Variants in HS3ST4 observed in about 807,000 individuals in gnomAD.
HS3ST4 encodes heparan sulfate glucosamine 3-O-sulfotransferase 4.
Under a neutral mutation model 29.2 loss-of-function variants are expected in HS3ST4, and 17 were observed. The observed-to-expected ratio is 0.58, with a 90% CI of 0.40 to 0.87. The LOEUF (loss-of-function observed/expected upper bound fraction) is 0.87. Among genes scored for constraint, HS3ST4 ranks in the 40% least tolerant of loss-of-function variants. HS3ST4 has a pLI of 0.00. For synonymous variants in HS3ST4, 314 were observed against 285.7 expected (o/e 1.10, Z -1.00); for missense variants, 627 against 634.5 (o/e 0.99, Z 0.13).
chr16:25,859,737 A>T lies in HS3ST4; in HGVS notation c.734+166586A>T, dbSNP rs1967618796. On this transcript the variant is annotated intron_variant, in intron 1 of 1. Transcript: ENST00000331351. ...ACACCTCACCAAAGAAAATATACAG[A>T]TGGCCAATAAGTGGATGGAACAGAT... 2.0e-5 allele frequency among the ~76,000 whole-genome samples: 3 copies of T among 152,354 alleles called. No homozygotes were observed. The South Asian group carries it at 6.2e-4, about 32-fold the overall frequency.
chr16:25,922,632 C>T (rs1968365139), intron 1 of HS3ST4, among the ~76,000 whole-genome samples: 1 of 152,220 alleles, frequency 6.6e-6, no homozygotes, highest in Non-Finnish European at 1.5e-5. Flanking sequence ...GGCACTGTTC[C>T]AGGCACGCTG....
chr16:25,710,573 T>C lies in HS3ST4; in HGVS notation c.734+17422T>C, dbSNP rs1596549960. Reference sequence around the variant, plus strand: ...TCCCCCAAGATGGAGAAACTAGGAGTAGAAATAGAAAGACTTCCTATTGCT... The same window carrying C: ...TCCCCCAAGATGGAGAAACTAGGAGCAGAAATAGAAAGACTTCCTATTGCT... On this transcript the variant is annotated intron_variant, in intron 1 of 1. Coordinates refer to ENST00000331351, the MANE Select transcript of HS3ST4 (RefSeq NM_006040.3). Among the ~76,000 whole-genome samples, 3 of 152,076 alleles carry C rather than the reference T, an allele frequency of 2.0e-5. No homozygotes were observed. The East Asian group carries it at 5.8e-4, about 29-fold the overall frequency.
intron 1 of HS3ST4, among the ~76,000 whole-genome samples, chr16:25,951,618 C>T (rs1323036288): frequency 6.6e-6 from 1 of 152,174 alleles, no homozygotes; most frequent in African/African-American, 2.4e-5. Flanking sequence ...ATGTTGCAGA[C>T]ATCAGTACTT....
At chr16:25,764,123 C>T (rs1966804270) in intron 1 of HS3ST4, among the ~76,000 whole-genome samples, 1 of 152,122 alleles carries the variant, frequency 6.6e-6, no homozygotes, top group Admixed American at 6.5e-5. Flanking sequence ...GCAGGGAGCA[C>T]AGAAGGAGGA....
At position 25,764,800 on chromosome 16, in the gene HS3ST4, C is replaced by T. The variant is rs545315579; in HGVS notation, c.734+71649C>T. 7.2e-5 allele frequency among the ~76,000 whole-genome samples: 11 copies of T among 152,366 alleles called. No individual in the cohort carries two copies. In the South Asian group the frequency reaches 2.1e-3, roughly 29 times the overall value. ...TGCACCCTGCCATATGGGCCACTTG[C>T]ATGGCCATGAACATAGATCTTGGTG... On this transcript the variant is annotated intron_variant, in intron 1 of 1. Transcript: ENST00000331351.
chr16:26,071,918 G>C (rs928211694), intron 1 of HS3ST4, among the ~76,000 whole-genome samples: 1 of 152,006 alleles, frequency 6.6e-6, no homozygotes, highest in African/African-American at 2.4e-5. Flanking sequence ...ACTCACGAGG[G>C]GTCTCAAATT....
intron 1 of HS3ST4, among the ~76,000 whole-genome samples, chr16:26,010,321 G>A (rs1969298606): frequency 6.6e-6 from 1 of 152,130 alleles, no homozygotes; most frequent in Non-Finnish European, 1.5e-5. Context: ...GGGTACAGTG[G>A]CGTGCTCCTG....
chr16:25,962,454 T>C (rs543159366), intron 1 of HS3ST4, among the ~76,000 whole-genome samples: 9 of 152,224 alleles, frequency 5.9e-5, no homozygotes, highest in African/African-American at 1.9e-4. Flanking sequence ...ATCTTTAAAG[T>C]TGGCATAATG....
chr16:25,946,614 A>C (rs567819367), intron 1 of HS3ST4, among the ~76,000 whole-genome samples: 10 of 152,328 alleles, frequency 6.6e-5, no homozygotes, highest in South Asian at 2.1e-4. Flanking sequence ...GGCTGCTCTC[A>C]GGAAGCAGAC....
intron 1 of HS3ST4, among the ~76,000 whole-genome samples, chr16:26,066,111 A>T (rs2043822212): frequency 1.3e-5 from 2 of 152,216 alleles, no homozygotes; most frequent in Admixed American, 6.5e-5. Flanking sequence ...TTCACTATGA[A>T]TCCTAAAATG....
chr16:25,993,316 G>A (rs1204544672), intron 1 of HS3ST4, among the ~76,000 whole-genome samples: 1 of 152,116 alleles, frequency 6.6e-6, no homozygotes, highest in Non-Finnish European at 1.5e-5. Context: ...AGGAGAAATG[G>A]AACTACTAGT....
rs191034770 is a variant in HS3ST4 at position 25,999,525 on chromosome 16, G to A, written c.735-136087G>A. Among the ~76,000 whole-genome samples, 17 of 150,952 alleles carry A rather than the reference G, an allele frequency of 1.1e-4. No individual in the cohort carries two copies. In the East Asian group the frequency reaches 1.9e-3, roughly 17 times the overall value. ...ACTTCAGCCACTTTTTTTCTATTCC[G>A]TAATCTAGTAATTTTTGTTTTTATC... On this transcript the variant is annotated intron_variant, in intron 1 of 1. Transcript: ENST00000331351.
intron 1 of HS3ST4, among the ~76,000 whole-genome samples, chr16:25,890,554 T>A (rs1343554188): frequency 2.0e-5 from 3 of 152,188 alleles, no homozygotes; most frequent in Non-Finnish European, 2.9e-5. Flanking sequence ...AGACCAGGGC[T>A]CTTGTCTTGC....
At chr16:25,745,390 G>A (rs371998577) in intron 1 of HS3ST4, among the ~76,000 whole-genome samples, 4 of 152,226 alleles carry the variant, frequency 2.6e-5, no homozygotes. Context: ...AATGCTTAGA[G>A]CAAGCTTAGA....
intron 1 of HS3ST4, among the ~76,000 whole-genome samples, chr16:25,717,699 G>A (rs559175521): frequency 1.9e-4 from 29 of 152,238 alleles, no homozygotes; most frequent in Non-Finnish European, 3.7e-4. Context: ...GGAGAGGAAA[G>A]ACATGCAAGG....
intron 1 of HS3ST4, among the ~76,000 whole-genome samples, chr16:26,072,007 G>A (rs1292366665): frequency 6.6e-6 from 1 of 152,122 alleles, no homozygotes; most frequent in African/African-American, 2.4e-5. Flanking sequence ...CATCTATGAA[G>A]TAGCCTTTCC....
chr16:25,841,094 C>T (rs1313600984), intron 1 of HS3ST4, among the ~76,000 whole-genome samples: 1 of 149,664 alleles, frequency 6.7e-6, no homozygotes, highest in Non-Finnish European at 1.5e-5. Flanking sequence ...AGGCTCCGCC[C>T]CCCGGGGTTC....
At chr16:25,873,658 GTCCA>G (rs748088571) in intron 1 of HS3ST4, among the ~76,000 whole-genome samples, 25,286 of 84,018 alleles carry the variant, frequency 0.3, 2,278 homozygotes, top group East Asian at 0.43. Flanking sequence ...CCATCCGTCC[GTCCA>G]TCCATCCATC....
At chr16:26,023,420 G>A (rs553952109) in intron 1 of HS3ST4, among the ~76,000 whole-genome samples, 164 of 150,686 alleles carry the variant, frequency 1.1e-3, no homozygotes, top group African/African-American at 3.9e-3. Flanking sequence ...TTTTTTTTAA[G>A]ACAGGGTCTC....
Sources: allele counts gnomAD v4.1 joint callset (sites outside exome capture counted in the v4.1 genomes callset), GRCh38; gene constraint gnomAD v4.1.1; transcripts MANE v1.5; gene names NCBI Gene and HGNC (gene_info 2026-07-23, HGNC 2026-07-21).